SCGB1D4: variants seen among roughly 807,000 people sequenced by gnomAD.
The protein encoded by SCGB1D4 is IFN-gamma inducible SCGB (IIS).
A neutral mutation model predicts 8.1 loss-of-function variants in SCGB1D4; 6 were observed. The ratio of observed to expected loss-of-function variants is 0.74; its 90% CI spans 0.40 to 1.45. The LOEUF is 1.45. Among genes scored for constraint, SCGB1D4 ranks in the 40% most tolerant of loss-of-function variants. The probability of loss-of-function intolerance (pLI) is 0.02; values close to 1 mark genes in which losing one functional copy is unlikely to be tolerated. For synonymous variants in SCGB1D4, 34 were observed against 38.1 expected, an observed-to-expected ratio of 0.89 and a Z score of 0.39; for missense variants, 93 against 95.0, an observed-to-expected ratio of 0.98 and a Z score of 0.09.
chr11:62,297,789 C>T, intron 1 of SCGB1D4, 131 bp from the exon 2 acceptor site: 2 of 669,620 alleles, frequency 3.0e-6, no homozygotes, highest in Non-Finnish European at 5.0e-6. Flanking sequence ...GATGACAATA[C>T]CAGAAACTCC....
rs1458263029 is a variant in SCGB1D4, at chr11:62,297,525, C to T, written c.189G>A (p.Lys63=). 2.5e-6 allele frequency: 4 copies of T among 1,613,836 alleles called. No homozygotes were observed. Among genetic ancestry groups the T allele is most frequent in the Non-Finnish European group, 8.5e-7 (1 of 1,179,878 alleles). Residue 63 remains lysine, a synonymous_variant, in exon 2 of 3, where the codon AAG becomes AAA. Coordinates refer to ENST00000358585, the MANE Select transcript of SCGB1D4 (RefSeq NM_206998.2). ...TAAAAGATATCTGATCGGTGCAGTG[C>T]TTCACTTCCAACTTGGCTGCAAGAG... ...PEALAAKLEV[K]HCTDQISFKK...
At chr11:62,297,367 A>C in intron 2 of SCGB1D4, 105 bp downstream of exon 2, 1 of 919,750 alleles carries the variant, frequency 1.1e-6, no homozygotes, top group Non-Finnish European at 1.7e-6. Flanking sequence ...TCCTCAGCAC[A>C]CTCTGGGGAC....
chr11:62,297,433 A>G (rs1945449108), intron 2 of SCGB1D4, 39 bp downstream of exon 2: 1 of 1,474,008 alleles, frequency 6.8e-7, no homozygotes, highest in Admixed American at 1.7e-5. Context: ...TGTGCAGCTG[A>G]GTTGAATTCT....
At chr11:62,298,148 A>G (rs1945459989) in intron 1 of SCGB1D4, among the ~76,000 whole-genome samples, 1 of 148,408 alleles carries the variant, frequency 6.7e-6, no homozygotes, top group Non-Finnish European at 1.5e-5. Context: ...GTGGCCTCCC[A>G]AAGTGCTAAG....
At chr11:62,297,367 A>ACC in intron 2 of SCGB1D4, 105 bp downstream of exon 2, 2 of 919,750 alleles carry the variant, frequency 2.2e-6, no homozygotes, top group Non-Finnish European at 3.4e-6. Flanking sequence ...TCCTCAGCAC[A>ACC]CTCTGGGGAC....
In SCGB1D4 at chr11:62,297,530, C is replaced by T; in HGVS notation, c.184G>A (p.Val62Met). ...PPEALAAKLEVKHCTDQISFK... is the reference protein window; with the variant it reads ...PPEALAAKLEMKHCTDQISFK... Reference sequence around the variant, plus strand: ...GATATCTGATCGGTGCAGTGCTTCACTTCCAACTTGGCTGCAAGAGCTTCT... The same window carrying T: ...GATATCTGATCGGTGCAGTGCTTCATTTCCAACTTGGCTGCAAGAGCTTCT... The change falls in exon 2 of 3, where the codon GTG becomes ATG. Residue 62 changes from valine (V) to methionine (M), a missense_variant. Physicochemically the swap from Val to Met is conservative, Grantham distance 21. Transcript: ENST00000358585. 1.2e-6 allele frequency: 2 copies of T among 1,613,928 alleles called. No homozygotes were observed. The highest frequency in any genetic ancestry group is 1.7e-5 in the Admixed American group (1 of 60,024).
rs1268878581 is a variant in SCGB1D4, at chr11:62,297,639, T to C, written c.75A>G (p.Pro25=). Residue 25 remains proline (P), a synonymous_variant, in exon 2 of 3, where the codon CCA becomes CCG. Transcript: ENST00000358585. ...AGACTGTGATCTCAGAAGCAACAGCTGGGCAGACAAGAGCATGGGCTGCAG... is the reference window on the plus strand; with the variant it reads ...AGACTGTGATCTCAGAAGCAACAGCCGGGCAGACAAGAGCATGGGCTGCAG... ...CCYQAHALVC[P]AVASEITVFL... The C allele has an allele frequency of 6.2e-7, 1 of 1,613,246 alleles. No homozygotes were observed. Among genetic ancestry groups the C allele is most frequent in the African/African-American group, 1.3e-5 (1 of 74,864 alleles).
At chr11:62,298,842 G>T in intron 1 of SCGB1D4, 114 bp downstream of exon 1, 1 of 847,178 alleles carries the variant, frequency 1.2e-6, no homozygotes, top group Non-Finnish European at 1.8e-6. Flanking sequence ...AAAAGGGTTT[G>T]GAATTTTGTT....
chr11:62,298,597 A>G (rs1277837441), intron 1 of SCGB1D4, among the ~76,000 whole-genome samples: 1 of 151,984 alleles, frequency 6.6e-6, no homozygotes, highest in Non-Finnish European at 1.5e-5. Flanking sequence ...CATCTCTACT[A>G]AAAATACAAA....
In SCGB1D4 at chr11:62,296,372, G is replaced by T; in HGVS notation, c.*38C>A. ...GTCGTTGAAAGACTTTGGAAACCAG[G>T]TTGAGCATTTTTACATGTCACACAC... On this transcript the variant is annotated 3_prime_UTR_variant, in exon 3 of 3. Coordinates refer to ENST00000358585, the MANE Select transcript of SCGB1D4 (RefSeq NM_206998.2). 1 of 1,598,214 alleles carries T rather than the reference G, an allele frequency of 6.3e-7. No individual in the cohort carries two copies. The highest frequency in any genetic ancestry group is 8.6e-7 in the Non-Finnish European group (1 of 1,165,816).
chr11:62,298,733 T>G (rs1020582880), intron 1 of SCGB1D4, among the ~76,000 whole-genome samples: 2 of 122,490 alleles, frequency 1.6e-5, no homozygotes, highest in African/African-American at 6.5e-5. Context: ...CACTCCAGCC[T>G]GGGCAACAAG....
chr11:62,297,071 T>A (rs1945446237), intron 2 of SCGB1D4, among the ~76,000 whole-genome samples: 1 of 152,136 alleles, frequency 6.6e-6, no homozygotes, highest in South Asian at 2.1e-4. Flanking sequence ...CAGGAGAGTG[T>A]CATGGATGAG....
At position 62,299,024 on chromosome 11, in the gene SCGB1D4, G is replaced by T. The variant is rs766419715; in HGVS notation, c.-14C>A. 2 of 1,612,444 alleles carry T rather than the reference G, an allele frequency of 1.2e-6. No individual in the cohort carries two copies. The highest frequency in any genetic ancestry group is 8.5e-7 in the Non-Finnish European group (1 of 1,179,172). On this transcript the variant is annotated 5_prime_UTR_variant, in exon 1 of 3. Transcript: ENST00000358585. ...TGACAGCCTCATGGTGGCTTATTCG[G>T]CTGTGAGCTCAGCTTTCACAATGAG...
In SCGB1D4 at chr11:62,297,591, C is replaced by T. The variant is rs758005128; in HGVS notation, c.123G>A (p.Ala41=). ...ITVFLFLSDA[A]VNLQVAKLNP... ...TAAGTTTGGCAACTTGGAGGTTTACCGCAGCGTCACTTAAGAATAAGAAGA... is the reference window on the plus strand; with the variant it reads ...TAAGTTTGGCAACTTGGAGGTTTACTGCAGCGTCACTTAAGAATAAGAAGA... Residue 41 remains alanine, a synonymous_variant, in exon 2 of 3, where the codon GCG becomes GCA. Transcript: ENST00000358585. The T allele has an allele frequency of 9.3e-6, 15 of 1,614,082 alleles. No individual in the cohort carries two copies. Among genetic ancestry groups the T allele is most frequent in the East Asian group, 8.9e-5 (4 of 44,882 alleles).
rs756189536 is a variant in SCGB1D4 at position 62,297,651 on chromosome 11, A to G, written c.63T>C (p.Ala21=). 1.2e-6 allele frequency: 2 copies of G among 1,610,892 alleles called. No individual in the cohort carries two copies. The highest frequency in any genetic ancestry group is 4.5e-5 in the East Asian group (2 of 44,856). The part of the protein sequence containing the change: ...SLALCCYQAH[A]LVCPAVASEI... ...CAGAAGCAACAGCTGGGCAGACAAG[A>G]GCATGGGCTGCAGCACAAAAATAAA... is the stretch of plus-strand genomic sequence containing the variant. Residue 21 remains alanine (A), a synonymous_variant, in exon 2 of 3, where the codon GCT becomes GCC. Transcript: ENST00000358585.
Position 62,298,999 on chromosome 11 carries a change from T to C in SCGB1D4, c.12A>G (p.Ser4=). The C allele has an allele frequency of 5.0e-6, 8 of 1,613,904 alleles. No individual in the cohort carries two copies. Among genetic ancestry groups the C allele is most frequent in the South Asian group, 4.4e-5 (4 of 91,060 alleles). The change falls in exon 1 of 3, where the codon TCA becomes TCG. Residue 4 remains serine, a synonymous_variant. Coordinates refer to ENST00000358585, the MANE Select transcript of SCGB1D4 (RefSeq NM_206998.2). The part of the protein sequence containing the change: MRL[S]VCLLMVSLAL... ...CCAGCGAGACCATCAGGAGACACAC[T>C]GACAGCCTCATGGTGGCTTATTCGG...
chr11:62,296,481 T>C (rs536259446), intron 2 of SCGB1D4, 62 bp from the exon 3 acceptor site: 10 of 1,554,032 alleles, frequency 6.4e-6, no homozygotes, highest in Non-Finnish European at 7.9e-6. Flanking sequence ...CTGCTGGTGA[T>C]GATAGGCTAA....
chr11:62,298,794 T>C (rs1408636434), intron 1 of SCGB1D4, among the ~76,000 whole-genome samples, 162 bp downstream of exon 1: 3 of 143,032 alleles, frequency 2.1e-5, no homozygotes, highest in Non-Finnish European at 4.6e-5. Context: ...AAAGAAGAAA[T>C]AGCTCTAACC....
At position 62,298,914 on chromosome 11, in the gene SCGB1D4, C is replaced by T. The variant is rs774929697; in HGVS notation, c.55+42G>A. On this transcript the variant is annotated intron_variant, in intron 1 of 2. Transcript: ENST00000358585. ...GTGATCTTGTGCTCAGAAGAGGGTG[C>T]ATCCCAGGGGCTGGTGCTGGACTCA... 3.8e-6 allele frequency: 6 copies of T among 1,597,450 alleles called. No individual in the cohort carries two copies. The South Asian group carries it at 4.5e-5, about 12-fold the overall frequency.
Sources: gnomAD v4.1 joint callset for allele counts (sites outside exome capture counted in the v4.1 genomes callset) on GRCh38, gnomAD v4.1.1 for gene constraint, MANE v1.5 for transcripts, NCBI Gene and HGNC (gene_info 2026-07-23, HGNC 2026-07-21) for gene names.